LSM6: variants seen among roughly 807,000 people sequenced by gnomAD.
LSM6 encodes the protein U6 snRNA-associated Sm-like protein LSm6.
Under a neutral mutation model 13.5 loss-of-function variants are expected in LSM6, and 2 were observed. The observed-to-expected ratio is 0.15, with a 90% CI of 0.06 to 0.47. LSM6 has a LOEUF of 0.47. Ranked by LOEUF, LSM6 falls within the 20% of genes least tolerant of loss-of-function variation. LSM6 has a pLI of 0.97. For missense variants in LSM6, 58 were observed against 96.4 expected (o/e 0.60, Z 1.67); for synonymous variants, 43 against 34.9 (o/e 1.23, Z -0.82).
intron 2 of LSM6, among the ~76,000 whole-genome samples, chr4:146,186,392 G>C (rs1359301206): frequency 6.6e-6 from 1 of 152,060 alleles, no homozygotes; most frequent in Non-Finnish European, 1.5e-5. Flanking sequence ...CTATAGACTC[G>C]ACTGAATTGA....
At chr4:146,181,609 G>T (rs1730233699) in intron 1 of LSM6, among the ~76,000 whole-genome samples, 1 of 152,042 alleles carries the variant, frequency 6.6e-6, no homozygotes, top group South Asian at 2.1e-4. Flanking sequence ...AATGTTTAAT[G>T]AAAAAATAAT....
chr4:146,188,082 C>T (rs1433701451), intron 3 of LSM6, among the ~76,000 whole-genome samples: 1 of 152,118 alleles, frequency 6.6e-6, no homozygotes, highest in Non-Finnish European at 1.5e-5. Flanking sequence ...TGGATGTCTT[C>T]AACCCCCTAA....
At chr4:146,183,104 T>G in intron 2 of LSM6, 89 bp downstream of exon 2, 1 of 905,150 alleles carries the variant, frequency 1.1e-6, no homozygotes, top group South Asian at 1.4e-5. Flanking sequence ...GTATACCCAA[T>G]AGGCCAAAAA....
In LSM6 at chr4:146,190,260, T is replaced by G. The variant is rs1180761539; in HGVS notation, c.*604T>G. On this transcript the variant is annotated 3_prime_UTR_variant, in exon 4 of 4. Coordinates refer to ENST00000296581, the MANE Select transcript of LSM6 (RefSeq NM_007080.3). ...AATTCGAACTGAGGTGCTGGAGAAA[T>G]CCTAAAGATGAACAAGATTTCAGTG... is the stretch of plus-strand genomic sequence containing the variant. 3 of 152,326 alleles carry G rather than the reference T, an allele frequency of 2.0e-5. No individual in the cohort carries two copies. Among genetic ancestry groups the G allele is most frequent in the African/African-American group, 7.2e-5 (3 of 41,422 alleles). The allele number at this position is 152,326 out of a possible 1,614,324, so 9.4% of individuals were successfully genotyped here.
intron 1 of LSM6, chr4:146,176,088 C>T (rs972352872): frequency 6.6e-6 from 1 of 152,328 alleles, no homozygotes; most frequent in African/African-American, 2.4e-5. Context: ...GGCGCCTAGA[C>T]TGCGCGGAGA....
chr4:146,177,764 C>T lies in LSM6; in HGVS notation c.-11+1953C>T, dbSNP rs1047281631. On this transcript the variant is annotated intron_variant, in intron 1 of 3. Transcript: ENST00000296581. Reference sequence around the variant, plus strand: ...TAGTTGTAAAATGTTTAGCAACATCCCTGGTCTCTACCCACTAGGATAGCA... The same window carrying T: ...TAGTTGTAAAATGTTTAGCAACATCTCTGGTCTCTACCCACTAGGATAGCA... Among the ~76,000 whole-genome samples the T allele has an allele frequency of 3.3e-5, 5 of 152,164 alleles. No individual in the cohort carries two copies. The South Asian group carries it at 1.0e-3, about 32-fold the overall frequency.
chr4:146,189,240 G>A (rs1352421171), intron 3 of LSM6, among the ~76,000 whole-genome samples: 2 of 152,080 alleles, frequency 1.3e-5, no homozygotes, highest in Admixed American at 6.5e-5. Flanking sequence ...TGATCCACCC[G>A]CTTCAGCCTC....
chr4:146,177,319 A>G (rs1406940526), intron 1 of LSM6, among the ~76,000 whole-genome samples: 3 of 152,240 alleles, frequency 2.0e-5, no homozygotes, highest in Admixed American at 1.3e-4. Flanking sequence ...ATTTGTTTAC[A>G]TCACCTGGGT....
intron 1 of LSM6, among the ~76,000 whole-genome samples, chr4:146,179,105 C>T (rs1244969428): frequency 6.6e-6 from 1 of 152,136 alleles, no homozygotes; most frequent in Non-Finnish European, 1.5e-5. Context: ...AATATACTGC[C>T]TTTGACTTAA....
At chr4:146,186,000 G>A (rs1236370161) in intron 2 of LSM6, among the ~76,000 whole-genome samples, 1 of 152,122 alleles carries the variant, frequency 6.6e-6, no homozygotes, top group African/African-American at 2.4e-5. Flanking sequence ...ACCTCCCAAA[G>A]TACTGGGATT....
chr4:146,186,785 C>A (rs552307646), intron 2 of LSM6, among the ~76,000 whole-genome samples: 2 of 152,272 alleles, frequency 1.3e-5, no homozygotes, highest in African/African-American at 4.8e-5. Flanking sequence ...TGGAGACTTC[C>A]TTTTAACCCT....
In LSM6 at chr4:146,190,908, GAGA is replaced by G. The variant is rs1462792442; in HGVS notation, c.*1255_*1257del. The G allele has an allele frequency of 6.6e-6, 1 of 152,214 alleles. No individual in the cohort carries two copies. Among genetic ancestry groups the G allele is most frequent in the Non-Finnish European group, 1.5e-5 (1 of 68,070 alleles). 9.4% of individuals were successfully genotyped at this position (152,214 alleles called of 1,614,324 possible). ...TGGTTGAAGGATGGGGGGCAGGATCGAGAAGGAGAGAGGGAAGGGGCAGTGCTG... is the reference window on the plus strand; with the variant it reads ...TGGTTGAAGGATGGGGGGCAGGATCGAGGAGAGAGGGAAGGGGCAGTGCTG... On this transcript the variant is annotated 3_prime_UTR_variant, in exon 4 of 4. Transcript: ENST00000296581.
At chr4:146,184,795 A>T (rs1730309287) in intron 2 of LSM6, among the ~76,000 whole-genome samples, 1 of 152,234 alleles carries the variant, frequency 6.6e-6, no homozygotes. Flanking sequence ...TTTTAATTTT[A>T]GAAATGTAAA....
At chr4:146,180,954 G>T (rs1730218952) in intron 1 of LSM6, 1 of 152,204 alleles carries the variant, frequency 6.6e-6, no homozygotes, top group Non-Finnish European at 1.5e-5. Flanking sequence ...ATCTGTTACA[G>T]TATTTATTTT....
intron 1 of LSM6, among the ~76,000 whole-genome samples, chr4:146,182,304 GA>G (rs1447083435): frequency 6.6e-6 from 1 of 152,180 alleles, no homozygotes; most frequent in Non-Finnish European, 1.5e-5. Flanking sequence ...ATTCTTTTCA[GA>G]GATACCATTT....
chr4:146,189,095 T>G (rs1347972593), intron 3 of LSM6, among the ~76,000 whole-genome samples: 1 of 151,608 alleles, frequency 6.6e-6, no homozygotes, highest in East Asian at 1.9e-4. Flanking sequence ...GCTCAAGCAG[T>G]CCTCCCACCT....
At chr4:146,176,042 AG>A (rs1405394324) in intron 1 of LSM6, 1 of 152,240 alleles carries the variant, frequency 6.6e-6, no homozygotes, top group Admixed American at 6.5e-5. Context: ...TGGCTGGGAG[AG>A]GTCTGATGGT....
At chr4:146,176,876 GT>G (rs1730122727) in intron 1 of LSM6, among the ~76,000 whole-genome samples, 1 of 152,084 alleles carries the variant, frequency 6.6e-6, no homozygotes, top group South Asian at 2.1e-4. Context: ...ATTCTCAGAA[GT>G]GAAATTATCA....
intron 1 of LSM6, among the ~76,000 whole-genome samples, chr4:146,177,572 G>T (rs17021186): frequency 0.28 from 43,001 of 151,918 alleles, 6,487 homozygotes; most frequent in Middle Eastern, 0.38. Context: ...TATCATTTGC[G>T]GTACCTTGGA....
Sources: allele counts gnomAD v4.1 joint callset (sites outside exome capture counted in the v4.1 genomes callset), GRCh38; gene constraint gnomAD v4.1.1; transcripts MANE v1.5; gene names NCBI Gene and HGNC (gene_info 2026-07-23, HGNC 2026-07-21).